Variants in RP1 observed in about 807,000 individuals in gnomAD.
RP1 encodes the protein oxygen-regulated protein 1.
A neutral mutation model predicts 14.8 loss-of-function variants in RP1; 16 were observed. The observed-to-expected ratio is 1.08, with a 90% CI of 0.73 to 1.65. The LOEUF (loss-of-function observed/expected upper bound fraction) is 1.65, where lower values mean the gene tolerates loss of function less well. RP1 is among the 40% of genes most tolerant of loss of function. The pLI, the probability that RP1 is intolerant of heterozygous loss-of-function variation, is 0.00. For missense variants in RP1, 2,631 were observed against 2,535.0 expected (o/e 1.04, Z -0.81); for synonymous variants, 876 against 883.6 (o/e 0.99, Z 0.15).
intron 24 of RP1, among the ~76,000 whole-genome samples, chr8:54,835,569 A>C (rs28618080): frequency 0.31 from 46,493 of 151,992 alleles, 7,316 homozygotes; most frequent in South Asian, 0.37. Context: ...TAGACCACTT[A>C]TTTTTGTTAT....
In RP1 at chr8:54,846,380, T is replaced by C. The variant is rs118076109; in HGVS notation, c.3836-6194T>C. Reference sequence around the variant, plus strand: ...TTGAGGGGTGCAAAATATAACCTTTTTCCTTCTCCACAACTGATTATAGTC... The same window carrying C: ...TTGAGGGGTGCAAAATATAACCTTTCTCCTTCTCCACAACTGATTATAGTC... On this transcript the variant is annotated intron_variant, in intron 25 of 28. Transcript: ENST00000637698. Among the ~76,000 whole-genome samples, 1,008 of 152,342 alleles carry C rather than the reference T, an allele frequency of 6.6e-3. 9 individuals carry two copies. The highest frequency in any genetic ancestry group is 0.011 in the Non-Finnish European group (758 of 68,036).
chr8:54,726,744 C>A (rs57989917), intron 17 of RP1, among the ~76,000 whole-genome samples: 37 of 151,146 alleles, frequency 2.4e-4, no homozygotes, highest in African/African-American at 9.1e-4. Context: ...ATTATAACAT[C>A]AATTGGACTA....
chr8:54,654,573 A>G (rs1222149919), intron 5 of RP1, among the ~76,000 whole-genome samples: 1 of 152,204 alleles, frequency 6.6e-6, no homozygotes, highest in Non-Finnish European at 1.5e-5. Context: ...ATCACACTTA[A>G]CATGCATTTA....
At chr8:54,649,283 T>A in intron 4 of RP1, 1 of 698,964 alleles carries the variant, frequency 1.4e-6, no homozygotes, top group Non-Finnish European at 2.0e-6. Context: ...TTATGGAAGT[T>A]TTTGCTCAAG....
intron 3 of RP1, chr8:54,648,892 C>G (rs377012665): frequency 2.4e-6 from 2 of 845,394 alleles, no homozygotes; most frequent in East Asian, 3.0e-5. Context: ...TTTTGTCTAT[C>G]CTGAACTCTC....
chr8:54,590,229 G>A (rs1490592718), intron 1 of RP1, among the ~76,000 whole-genome samples: 2 of 152,108 alleles, frequency 1.3e-5, no homozygotes, highest in Non-Finnish European at 2.9e-5. Flanking sequence ...GTATCTCAGA[G>A]AACATCCTCC....
chr8:54,752,708 A>C (rs1365380273), intron 19 of RP1, among the ~76,000 whole-genome samples: 1 of 151,734 alleles, frequency 6.6e-6, no homozygotes, highest in African/African-American at 2.4e-5. Flanking sequence ...TACCCCCCAC[A>C]CTCTCACACT....
intron 15 of RP1, among the ~76,000 whole-genome samples, chr8:54,717,796 A>C (rs1047713285): frequency 9.2e-5 from 14 of 152,262 alleles, no homozygotes; most frequent in African/African-American, 3.1e-4. Flanking sequence ...GGAAGAAATA[A>C]AACTCTCTTG....
chr8:54,736,718 G>C (rs999916206), intron 18 of RP1, among the ~76,000 whole-genome samples: 4 of 152,126 alleles, frequency 2.6e-5, no homozygotes, highest in Non-Finnish European at 4.4e-5. Flanking sequence ...CAGGAGTGTA[G>C]AGTCTTGTGG....
intron 24 of RP1, among the ~76,000 whole-genome samples, chr8:54,836,406 G>A (rs566993010): frequency 6.6e-6 from 1 of 152,196 alleles, no homozygotes. Context: ...CTAATTAGCT[G>A]ACCTTAAAAT....
At chr8:54,807,126 C>T (rs1256603977) in intron 24 of RP1, among the ~76,000 whole-genome samples, 1 of 152,100 alleles carries the variant, frequency 6.6e-6, no homozygotes, top group African/African-American at 2.4e-5. Flanking sequence ...TCTCCTCCAC[C>T]TGTTATGAGG....
At chr8:54,720,376 T>G in intron 16 of RP1, 1 of 1,326,270 alleles carries the variant, frequency 7.5e-7, no homozygotes, top group Non-Finnish European at 1.0e-6. Flanking sequence ...GTCTGAAAAT[T>G]TCATCACATT....
chr8:54,869,791 C>A, intron 28 of RP1: 2 of 686,180 alleles, frequency 2.9e-6, no homozygotes, highest in Non-Finnish European at 4.1e-6. Flanking sequence ...AACTAATGAG[C>A]CTCCTTTCAA....
chr8:54,825,070 C>T (rs270807), intron 24 of RP1, among the ~76,000 whole-genome samples: 188 of 152,048 alleles, frequency 1.2e-3, no homozygotes, highest in Non-Finnish European at 2.1e-3. Flanking sequence ...CCCGGGTTCA[C>T]GCCATTCTCC....
intron 3 of RP1, among the ~76,000 whole-genome samples, chr8:54,641,922 C>T (rs935490596): frequency 2.6e-5 from 4 of 152,190 alleles, no homozygotes; most frequent in East Asian, 1.9e-4. Flanking sequence ...TTATGTGTGA[C>T]GCTGAAGATC....
downstream of RP1, among the ~76,000 whole-genome samples, chr8:54,634,270 A>G (rs1320719279): frequency 6.6e-6 from 1 of 152,242 alleles, no homozygotes; most frequent in Non-Finnish European, 1.5e-5. Flanking sequence ...CAAATTACAT[A>G]GGGAATTATT....
At chr8:54,559,402 T>TAAAAAGCCTCCC (rs1804233230) in intron 1 of RP1, 1 of 152,212 alleles carries the variant, frequency 6.6e-6, no homozygotes, top group African/African-American at 2.4e-5. Flanking sequence ...AATTAGGCTT[T>TAAAAAGCCTCCC]TTAAAAGGGA....
At chr8:54,827,200 A>G (rs1413197938) in intron 24 of RP1, among the ~76,000 whole-genome samples, 1 of 152,232 alleles carries the variant, frequency 6.6e-6, no homozygotes, top group Non-Finnish European at 1.5e-5. Flanking sequence ...CCTACACTAG[A>G]TTTATAAAAA....
intron 27 of RP1, among the ~76,000 whole-genome samples, chr8:54,863,353 G>C (rs2129329178): frequency 6.6e-6 from 1 of 152,298 alleles, no homozygotes; most frequent in African/African-American, 2.4e-5. Flanking sequence ...GTGTGTAGTA[G>C]ACGATACCAT....
Sources: gnomAD v4.1 joint callset for allele counts (sites outside exome capture counted in the v4.1 genomes callset) on GRCh38, gnomAD v4.1.1 for gene constraint, MANE v1.5 for transcripts, NCBI Gene and HGNC (gene_info 2026-07-23, HGNC 2026-07-21) for gene names.